The following DNAJC2 variants were observed in gnomAD, a reference collection of about 807,000 sequenced individuals.
DNAJC2 encodes dnaJ homolog subfamily C member 2.
DNAJC2 carries 32 observed loss-of-function variants against 94.0 expected under a neutral mutation model. That is an observed-to-expected ratio of 0.34 (90% CI 0.26 to 0.46). DNAJC2 has a LOEUF of 0.46. DNAJC2 is among the 20% of genes least tolerant of loss of function. The pLI is 1.00. For synonymous variants in DNAJC2, 210 were observed against 229.7 expected (o/e 0.91, Z 0.77); for missense variants, 550 against 719.5 (o/e 0.76, Z 2.69).
chr7:103,344,452 G>A, intron 1 of DNAJC2, 107 bp downstream of exon 1: 1 of 1,293,804 alleles, frequency 7.7e-7, no homozygotes, highest in Non-Finnish European at 1.1e-6. Context: ...ACGGCCCCGG[G>A]GCTAGTCGCC....
chr7:103,322,556 T>C lies in DNAJC2; in HGVS notation c.888A>G (p.Lys296=). Residue 296 remains lysine (K), a synonymous_variant, in exon 9 of 17, where the codon AAA becomes AAG. Transcript: ENST00000379263. Reference sequence around the variant, plus strand: ...CCTTCCGTTTAGCTTCTGCTTTTGCTTTCTTTTCTGCTTCTTTCTTGGCTT... The same window carrying C: ...CCTTCCGTTTAGCTTCTGCTTTTGCCTTCTTTTCTGCTTCTTTCTTGGCTT... ...EEKAKKEAEK[K]AKAEAKRKEQ... 6.3e-7 allele frequency: 1 copy of C among 1,583,026 alleles called. No individual in the cohort carries two copies. Among genetic ancestry groups the C allele is most frequent in the Admixed American group, 1.7e-5 (1 of 57,254 alleles).
At position 103,326,507 on chromosome 7, in the gene DNAJC2, C is replaced by A. The variant is rs140631819; in HGVS notation, c.572+36G>T. 2,348 of 1,609,468 alleles carry A rather than the reference C, an allele frequency of 1.5e-3. 27 individuals carry two copies. The African/African-American group carries it at 0.026, about 18-fold the overall frequency. On this transcript the variant is annotated intron_variant, in intron 5 of 16. Coordinates refer to ENST00000379263, the MANE Select transcript of DNAJC2 (RefSeq NM_014377.3). ...TGGAAGACTACAATAAACAAGCCAA[C>A]AGGGCACTATGATCAAAAGGGATGC...
intron 3 of DNAJC2, chr7:103,335,743 A>C (rs544495518): frequency 6.6e-6 from 1 of 152,116 alleles, no homozygotes; most frequent in African/African-American, 2.4e-5. Context: ...ATGGGGTTTC[A>C]CCACATTGGC....
chr7:103,317,417 TC>T (rs1818130168), intron 12 of DNAJC2: 2 of 162,122 alleles, frequency 1.2e-5, no homozygotes, highest in African/African-American at 4.8e-5. Flanking sequence ...CAAAATGGCC[TC>T]TTTTATTTTG....
intron 2 of DNAJC2, among the ~76,000 whole-genome samples, chr7:103,341,249 T>C (rs899285438): frequency 2.6e-5 from 4 of 152,218 alleles, no homozygotes; most frequent in Admixed American, 2.6e-4. Flanking sequence ...GGAATTACTT[T>C]TCTAAAATTA....
rs1439403149 is a variant in DNAJC2 at position 103,322,629 on chromosome 7, T to C, written c.815A>G (p.Asn272Ser). 3 of 1,613,146 alleles carry C rather than the reference T, an allele frequency of 1.9e-6. No individual in the cohort carries two copies. The highest frequency in any genetic ancestry group is 2.2e-5 in the South Asian group (2 of 91,022). The change falls in exon 9 of 17, where the codon AAT (asparagine) becomes AGT (serine). Residue 272 changes from asparagine (N) to serine (S), a missense_variant. By Grantham distance (46) the Asn-to-Ser change is conservative. This residue lies in a region of DNAJC2 where 279 missense variants were observed against 416.9 expected (regional missense o/e 0.67). Coordinates refer to ENST00000379263, the MANE Select transcript of DNAJC2 (RefSeq NM_014377.3). ...EMNRIRTLVD[N>S]AYSCDPRIKK... ...TATCCTTGGATCACAGCTGTATGCA[T>C]TGTCTAGCAAAAGAAAAAGTTAATC...
intron 3 of DNAJC2, among the ~76,000 whole-genome samples, chr7:103,331,987 T>C (rs968640266): frequency 1.4e-5 from 2 of 147,408 alleles, no homozygotes; most frequent in Admixed American, 1.4e-4. Context: ...GTATAAAAAT[T>C]CCCTTTTCTT....
chr7:103,319,643 G>A lies in DNAJC2; in HGVS notation c.1208C>T (p.Thr403Ile). Residue 403 changes from threonine (T) to isoleucine (I), a missense_variant, in exon 12 of 17, where the codon ACA (threonine) becomes ATA (isoleucine). This residue lies in a region of DNAJC2 where 271 missense variants were observed against 302.6 expected (regional missense o/e 0.90). Transcript: ENST00000379263. ...CAAAGCAGCCTTTCCTACTTCTTTTGTGCATGATGTGAGTGTTTCATTCAA... is the reference window on the plus strand; with the variant it reads ...CAAAGCAGCCTTTCCTACTTCTTTTATGCATGATGTGAGTGTTTCATTCAA... ...QCLNETLTSC[T>I]KEVGKAALEK... 1 of 1,613,930 alleles carries A rather than the reference G, an allele frequency of 6.2e-7. No individual in the cohort carries two copies. The highest frequency in any genetic ancestry group is 8.5e-7 in the Non-Finnish European group (1 of 1,179,998).
At chr7:103,316,210 T>C (rs1818046340) in intron 13 of DNAJC2, 122 bp from the exon 14 acceptor site, 2 of 529,130 alleles carry the variant, frequency 3.8e-6, no homozygotes, top group African/African-American at 3.9e-5. Flanking sequence ...CTCAGATTGG[T>C]GGTCTAATTA....
At position 103,323,149 on chromosome 7, in the gene DNAJC2, C is replaced by T. The variant is rs561270141; in HGVS notation, c.720-355G>A. Among the ~76,000 whole-genome samples, 5 of 152,206 alleles carry T rather than the reference C, an allele frequency of 3.3e-5. No individual in the cohort carries two copies. The East Asian group carries it at 7.7e-4, about 24-fold the overall frequency. On this transcript the variant is annotated intron_variant, in intron 7 of 16. Coordinates refer to ENST00000379263, the MANE Select transcript of DNAJC2 (RefSeq NM_014377.3). ...TTCGCCATGTTGGCCAGGCTGGTCT[C>T]GCACTCCTGACCTCAGGTGATCTGC...
At chr7:103,316,659 A>G (rs561156029) in intron 13 of DNAJC2, 171 bp downstream of exon 13, 10 of 610,918 alleles carry the variant, frequency 1.6e-5, no homozygotes, top group South Asian at 1.6e-4. Context: ...TACTGATGCA[A>G]TGGGTAAGAC....
intron 5 of DNAJC2, among the ~76,000 whole-genome samples, chr7:103,325,703 G>A (rs1022818873): frequency 2.0e-5 from 3 of 152,132 alleles, no homozygotes; most frequent in Non-Finnish European, 4.4e-5. Flanking sequence ...AAGGGAACCT[G>A]CCAATGCAGA....
intron 12 of DNAJC2, among the ~76,000 whole-genome samples, chr7:103,318,322 T>C (rs1206883748): frequency 3.9e-5 from 6 of 152,150 alleles, no homozygotes; most frequent in Admixed American, 3.9e-4. Context: ...CACGACACCA[T>C]GCCAGTTAAT....
intron 9 of DNAJC2, 138 bp from the exon 10 acceptor site, chr7:103,322,219 A>T (rs989274793): frequency 9.3e-6 from 6 of 645,720 alleles, no homozygotes; most frequent in African/African-American, 1.9e-5. Flanking sequence ...TGAAGGATGA[A>T]CTCGGAAAGA....
intron 15 of DNAJC2, among the ~76,000 whole-genome samples, chr7:103,315,479 A>T (rs1287828007): frequency 6.6e-6 from 1 of 152,140 alleles, no homozygotes; most frequent in African/African-American, 2.4e-5. Context: ...CCGATATAAC[A>T]CTATTCTTTA....
At chr7:103,319,711 T>TC (rs1429682192) in intron 11 of DNAJC2, 33 bp from the exon 12 acceptor site, 3 of 1,613,834 alleles carry the variant, frequency 1.9e-6, no homozygotes, top group Non-Finnish European at 2.5e-6. Flanking sequence ...TGAAACTTTA[T>TC]CCTAAGCTCA....
intron 3 of DNAJC2, among the ~76,000 whole-genome samples, chr7:103,332,882 C>T (rs555556627): frequency 3.5e-4 from 53 of 152,330 alleles, no homozygotes; most frequent in Non-Finnish European, 7.5e-4. Flanking sequence ...CCTCAGCCTT[C>T]TAAAGTGCTG....
rs1321531468 is a variant in DNAJC2, at chr7:103,343,488, C to G, written c.64+1071G>C. ...ACTCTGGGTTTTAGACTAGGTCTGACAGTGGCTATGTGACCTGAAATGAAT... is the reference window on the plus strand; with the variant it reads ...ACTCTGGGTTTTAGACTAGGTCTGAGAGTGGCTATGTGACCTGAAATGAAT... On this transcript the variant is annotated intron_variant, in intron 1 of 16. Coordinates refer to ENST00000379263, the MANE Select transcript of DNAJC2 (RefSeq NM_014377.3). Among the ~76,000 whole-genome samples, 3 of 152,288 alleles carry G rather than the reference C, an allele frequency of 2.0e-5. No individual in the cohort carries two copies. The East Asian group carries it at 5.8e-4, about 29-fold the overall frequency.
chr7:103,334,211 A>G (rs1055553096), intron 3 of DNAJC2, among the ~76,000 whole-genome samples: 20 of 151,752 alleles, frequency 1.3e-4, no homozygotes, highest in Non-Finnish European at 2.8e-4. Context: ...TTGGCCTCCC[A>G]AAGTGCTGGG....
Sources: gnomAD v4.1 joint callset for allele counts (sites outside exome capture counted in the v4.1 genomes callset) on GRCh38, gnomAD v4.1.1 for gene constraint, gnomAD v4.1.1 regional missense constraint, MANE v1.5 for transcripts, NCBI Gene and HGNC (gene_info 2026-07-23, HGNC 2026-07-21) for gene names.